STXBP5: variants seen among roughly 807,000 people sequenced by gnomAD.
STXBP5 encodes syntaxin binding protein 5, also known as syntaxin-binding protein 5.
STXBP5 carries 50 observed loss-of-function variants against 152.4 expected under a neutral mutation model. The observed-to-expected ratio is 0.33, with a 90% CI of 0.26 to 0.42. The LOEUF (loss-of-function observed/expected upper bound fraction) is 0.42, where lower values mean the gene tolerates loss of function less well. Among genes scored for constraint, STXBP5 ranks in the 10% least tolerant of loss-of-function variants. STXBP5 has a pLI of 1.00. For missense variants in STXBP5, 1,167 were observed against 1,388.6 expected (o/e 0.84, Z 2.54); for synonymous variants, 492 against 494.7 (o/e 0.99, Z 0.07).
rs993829718 is a variant in STXBP5, at chr6:147,387,684, A to G, written c.*2929A>G. On this transcript the variant is annotated 3_prime_UTR_variant, in exon 28 of 28. Transcript: ENST00000321680. ...CGACTGAGCTATTACTAACTTCTCC[A>G]TTTGATTTTTTATGGATGTGAAAAA... The G allele has an allele frequency of 1.3e-5, 2 of 151,724 alleles. No homozygotes were observed. The highest frequency in any genetic ancestry group is 4.8e-5 in the African/African-American group (2 of 41,388). 9.4% of individuals were successfully genotyped at this position (151,724 alleles called of 1,614,324 possible).
chr6:147,292,060 A>G (rs1781301784), intron 9 of STXBP5, among the ~76,000 whole-genome samples: 1 of 152,144 alleles, frequency 6.6e-6, no homozygotes, highest in Non-Finnish European at 1.5e-5. Context: ...CCTACAGGAA[A>G]TGCTGATGCA....
intron 8 of STXBP5, among the ~76,000 whole-genome samples, chr6:147,289,827 A>G (rs1781188063): frequency 6.6e-6 from 1 of 152,130 alleles, no homozygotes; most frequent in African/African-American, 2.4e-5. Context: ...ATCTAGAATA[A>G]AACTTTACCC....
intron 2 of STXBP5, among the ~76,000 whole-genome samples, chr6:147,223,303 T>G (rs1411532535): frequency 6.6e-6 from 1 of 152,210 alleles, no homozygotes; most frequent in Non-Finnish European, 1.5e-5. Flanking sequence ...AGCACATTCA[T>G]AGCCCATAAT....
chr6:147,350,590 T>C (rs892435342), intron 21 of STXBP5, among the ~76,000 whole-genome samples: 4 of 152,168 alleles, frequency 2.6e-5, no homozygotes, highest in Non-Finnish European at 4.4e-5. Flanking sequence ...GAGCTTATTA[T>C]AGTGGTGCAT....
At chr6:147,334,737 T>C (rs1271388786) in intron 19 of STXBP5, among the ~76,000 whole-genome samples, 1 of 152,082 alleles carries the variant, frequency 6.6e-6, no homozygotes, top group Non-Finnish European at 1.5e-5. Flanking sequence ...TATATTAACA[T>C]TTCAAAAGAA....
At chr6:147,301,727 A>G (rs775081941) in intron 9 of STXBP5, among the ~76,000 whole-genome samples, 5 of 152,086 alleles carry the variant, frequency 3.3e-5, no homozygotes, top group Non-Finnish European at 5.9e-5. Flanking sequence ...TAAGATTTTG[A>G]CTTGCATTTG....
chr6:147,243,104 C>A (rs1458936968), intron 4 of STXBP5, among the ~76,000 whole-genome samples: 1 of 152,092 alleles, frequency 6.6e-6, no homozygotes, highest in Non-Finnish European at 1.5e-5. Flanking sequence ...CAGTTGGATA[C>A]CTGGGAGTGC....
chr6:147,277,227 G>A (rs1409258162), intron 7 of STXBP5, among the ~76,000 whole-genome samples: 2 of 151,996 alleles, frequency 1.3e-5, no homozygotes, highest in African/African-American at 2.4e-5. Context: ...TAGATGACAT[G>A]ATAGAAAATG....
At chr6:147,282,951 A>G (rs893947084) in intron 8 of STXBP5, among the ~76,000 whole-genome samples, 1 of 152,010 alleles carries the variant, frequency 6.6e-6, no homozygotes, top group Non-Finnish European at 1.5e-5. Context: ...CATAAAATAC[A>G]CTAACACTAA....
intron 14 of STXBP5, among the ~76,000 whole-genome samples, chr6:147,314,979 C>T (rs945588306): frequency 6.6e-6 from 1 of 152,040 alleles, no homozygotes; most frequent in African/African-American, 2.4e-5. Context: ...GTATCACTAA[C>T]GTTCATGTTG....
At chr6:147,347,429 A>G (rs1025532122) in intron 21 of STXBP5, among the ~76,000 whole-genome samples, 4 of 152,208 alleles carry the variant, frequency 2.6e-5, no homozygotes, top group African/African-American at 9.6e-5. Context: ...TACTACAGCA[A>G]AATAACCCAA....
At chr6:147,253,644 C>G (rs1196881071) in intron 4 of STXBP5, among the ~76,000 whole-genome samples, 2 of 151,962 alleles carry the variant, frequency 1.3e-5, no homozygotes, top group African/African-American at 2.4e-5. Context: ...CATAAGCATT[C>G]CTAGACAAAT....
At chr6:147,340,052 A>G (rs1784021449) in intron 21 of STXBP5, among the ~76,000 whole-genome samples, 3 of 152,032 alleles carry the variant, frequency 2.0e-5, no homozygotes, top group Admixed American at 6.6e-5. Context: ...ATGTTCTCCA[A>G]AGATTTTTAA....
chr6:147,344,274 A>G (rs80105476), intron 21 of STXBP5, among the ~76,000 whole-genome samples: 3,493 of 152,256 alleles, frequency 0.023, 43 homozygotes, highest in Middle Eastern at 0.054. Flanking sequence ...TTTTACATTA[A>G]AAGGATATGC....
At position 147,387,205 on chromosome 6, in the gene STXBP5, T is replaced by A. The variant is rs76354907; in HGVS notation, c.*2450T>A. 6.3e-4 allele frequency: 96 copies of A among 151,758 alleles called. 1 individual carries two copies. The East Asian group carries it at 0.018, about 28-fold the overall frequency. 9.4% of individuals were successfully genotyped at this position (151,758 alleles called of 1,614,324 possible). A position where few individuals can be genotyped will look rare whatever the true frequency, so the allele number is the denominator to read the frequency against. ...GTAGATAAGAGACAGTCTACAGTAA[T>A]AACTAACCCAGGGAATTTACTGTAA... On this transcript the variant is annotated 3_prime_UTR_variant, in exon 28 of 28. Coordinates refer to ENST00000321680, the MANE Select transcript of STXBP5 (RefSeq NM_001127715.4).
chr6:147,362,170 A>G (rs77102008), intron 23 of STXBP5, among the ~76,000 whole-genome samples: 7,214 of 152,230 alleles, frequency 0.047, 496 homozygotes, highest in East Asian at 0.29. Context: ...GAAGGCTGCA[A>G]CCTTACTATT....
At chr6:147,285,538 G>A (rs1034333008) in intron 8 of STXBP5, among the ~76,000 whole-genome samples, 10 of 150,112 alleles carry the variant, frequency 6.7e-5, no homozygotes, top group African/African-American at 2.5e-4. Flanking sequence ...TCTAAACACT[G>A]CAACATTTTT....
chr6:147,285,740 G>C (rs749989963), intron 8 of STXBP5, among the ~76,000 whole-genome samples: 1 of 152,076 alleles, frequency 6.6e-6, no homozygotes, highest in Non-Finnish European at 1.5e-5. Context: ...CAGGTTTTTT[G>C]CAAGATATAG....
At chr6:147,299,031 C>G (rs1274137142) in intron 9 of STXBP5, among the ~76,000 whole-genome samples, 2 of 151,878 alleles carry the variant, frequency 1.3e-5, no homozygotes, top group East Asian at 3.9e-4. Context: ...CAATGAAACA[C>G]AGTTTGTACA....
Sources: allele counts gnomAD v4.1 joint callset (sites outside exome capture counted in the v4.1 genomes callset), GRCh38; gene constraint gnomAD v4.1.1; transcripts MANE v1.5; gene names NCBI Gene and HGNC (gene_info 2026-07-23, HGNC 2026-07-21).